Variants in PRPF31 observed in about 807,000 individuals in gnomAD.
PRPF31 encodes the protein U4/U6 small nuclear ribonucleoprotein Prp31.
A neutral mutation model predicts 60.4 loss-of-function variants in PRPF31; 12 were observed. That is an observed-to-expected ratio of 0.20 (90% CI 0.13 to 0.32). The LOEUF (loss-of-function observed/expected upper bound fraction) is 0.32. Among genes scored for constraint, PRPF31 ranks in the 10% least tolerant of loss-of-function variants. The pLI is 1.00. For synonymous variants in PRPF31, 287 were observed against 287.9 expected (o/e 1.00, Z 0.03); for missense variants, 431 against 687.1 (o/e 0.63, Z 4.17).
At position 54,123,928 on chromosome 19, in the gene PRPF31, C is replaced by G. The variant is rs369722854; in HGVS notation, c.697+10C>G. On this transcript the variant is annotated intron_variant, in intron 7 of 13. Transcript: ENST00000321030. ...GCCGCCAAGATCATGGGTGAGTCCC[C>G]GGGCTGGGTCCCATGGAGCGGGGGT... The G allele has an allele frequency of 2.5e-6, 4 of 1,613,026 alleles. No individual in the cohort carries two copies. The East Asian group carries it at 6.7e-5, about 27-fold the overall frequency.
intron 13 of PRPF31, among the ~76,000 whole-genome samples, chr19:54,129,585 A>G (rs1351100118): frequency 2.1e-5 from 3 of 144,374 alleles, no homozygotes; most frequent in Non-Finnish European, 4.5e-5. Context: ...GTGAGCACGC[A>G]CTGCTTTAGA....
At chr19:54,123,095 T>C (rs2073833316) in intron 5 of PRPF31, 6 of 484,978 alleles carry the variant, frequency 1.2e-5, no homozygotes, top group South Asian at 2.1e-5. Context: ...TCCCCACGCA[T>C]GTCCAGGAAA....
chr19:54,126,675 T>C, intron 9 of PRPF31, 58 bp downstream of exon 9: 2 of 1,505,384 alleles, frequency 1.3e-6, no homozygotes, highest in Non-Finnish European at 1.8e-6. Context: ...CTGGGGTGTC[T>C]CTGCAGGGAG....
chr19:54,123,612 C>T lies in PRPF31; in HGVS notation c.527+52C>T, dbSNP rs2073845950. The T allele has an allele frequency of 6.2e-7, 1 of 1,608,540 alleles. No homozygotes were observed. On this transcript the variant is annotated intron_variant, in intron 6 of 13. Coordinates refer to ENST00000321030, the MANE Select transcript of PRPF31 (RefSeq NM_015629.4). Reference sequence around the variant, plus strand: ...GGCCCTAATGGGATTGGGGATTAGGCTGGAGCTACACACGCAGGTGTACAC... The same window carrying T: ...GGCCCTAATGGGATTGGGGATTAGGTTGGAGCTACACACGCAGGTGTACAC...
Position 54,124,581 on chromosome 19 carries a change from G to A in PRPF31, c.780G>A (p.Ser260=), listed in dbSNP as rs587600912. The change falls in exon 8 of 14, where the codon TCG becomes TCA. Residue 260 remains serine (S), a synonymous_variant. Coordinates refer to ENST00000321030, the MANE Select transcript of PRPF31 (RefSeq NM_015629.4). ...TCGGGGCCCAGCGCAAGACGCTGTC[G>A]GGCTTCTCGTCTACCTCAGTGCTGC... The part of the protein sequence containing the change: ...MLLGAQRKTL[S]GFSSTSVLPH... 1.6e-5 allele frequency: 26 copies of A among 1,613,394 alleles called. No homozygotes were observed. Among genetic ancestry groups the A allele is most frequent in the Admixed American group, 1.0e-4 (6 of 60,026 alleles).
Position 54,123,933 on chromosome 19 carries a change from TG to T in PRPF31, c.697+18del. On this transcript the variant is annotated intron_variant, in intron 7 of 13. Transcript: ENST00000321030. ...CAAGATCATGGGTGAGTCCCCGGGC[TG>T]GGTCCCATGGAGCGGGGGTCTGCTG... 1 of 1,613,044 alleles carries T rather than the reference TG, an allele frequency of 6.2e-7. No homozygotes were observed.
chr19:54,116,372 T>A (rs1426755308), intron 1 of PRPF31, among the ~76,000 whole-genome samples: 1 of 150,610 alleles, frequency 6.6e-6, no homozygotes, highest in Non-Finnish European at 1.5e-5. Context: ...GCCCGGCTAG[T>A]TTTTTGTATT....
intron 11 of PRPF31, 139 bp downstream of exon 11, chr19:54,128,516 C>T (rs2073978373): frequency 2.2e-6 from 2 of 916,704 alleles, no homozygotes; most frequent in Non-Finnish European, 1.7e-6. Flanking sequence ...CCCCCCCGGC[C>T]TCTATTCTCG....
rs775682970 is a variant in PRPF31, at chr19:54,122,571, C to T, written c.397C>T (p.Leu133=). 6.2e-7 allele frequency: 1 copy of T among 1,614,158 alleles called. No individual in the cohort carries two copies. The highest frequency in any genetic ancestry group is 8.5e-7 in the Non-Finnish European group (1 of 1,179,954). ...ACTGGAGTCCTTGGTCCCCAATGCACTGGATTACATCCGCACGGTCAAGGT... is the reference window on the plus strand; with the variant it reads ...ACTGGAGTCCTTGGTCCCCAATGCATTGGATTACATCCGCACGGTCAAGGT... ...PELESLVPNA[L]DYIRTVKELG... is the part of the protein sequence containing the mutation. Residue 133 remains leucine, a synonymous_variant, in exon 5 of 14, where the codon CTG becomes TTG. Transcript: ENST00000321030.
intron 11 of PRPF31, 108 bp downstream of exon 11, chr19:54,128,485 A>T: frequency 1.7e-6 from 2 of 1,156,986 alleles, no homozygotes; most frequent in Non-Finnish European, 2.5e-6. Flanking sequence ...GCTCATGTCT[A>T]GGGCGCTGCC....
At chr19:54,127,278 G>C (rs773514668) in intron 9 of PRPF31, among the ~76,000 whole-genome samples, 1 of 152,100 alleles carries the variant, frequency 6.6e-6, no homozygotes, top group Non-Finnish European at 1.5e-5. Context: ...CCAGCTTCTA[G>C]GGGTCACTGG....
Position 54,128,508 on chromosome 19 carries a change from C to CT in PRPF31, c.1146+131_1146+132insT, listed in dbSNP as rs1444274649. 32 of 943,118 alleles carry CT rather than the reference C, an allele frequency of 3.4e-5. 1 individual carries two copies. The highest frequency in any genetic ancestry group is 3.2e-4 in the Middle Eastern group (1 of 3,118). 58.4% of individuals were successfully genotyped at this position (943,118 alleles called of 1,614,324 possible). ...CTAGGGCGCTGCCCCAGCCTCCCCC[C>CT]CCCCGGCCTCTATTCTCGTTTCCAT... On this transcript the variant is annotated intron_variant, in intron 11 of 13. Transcript: ENST00000321030.
At chr19:54,128,453 C>T in intron 11 of PRPF31, 76 bp downstream of exon 11, 1 of 1,409,110 alleles carries the variant, frequency 7.1e-7, no homozygotes, top group South Asian at 1.2e-5. Flanking sequence ...GCCACCGCCC[C>T]TCCTCTCGTC....
chr19:54,126,730 G>A (rs1234200180), intron 9 of PRPF31, 113 bp downstream of exon 9: 1 of 1,107,412 alleles, frequency 9.0e-7, no homozygotes, highest in East Asian at 2.6e-5. Flanking sequence ...TCCTACCAAG[G>A]CGGAGGCAGT....
intron 11 of PRPF31, among the ~76,000 whole-genome samples, chr19:54,128,761 C>T (rs587613747): frequency 6.6e-6 from 1 of 152,276 alleles, no homozygotes; most frequent in East Asian, 1.9e-4. Flanking sequence ...GCCACCTCAT[C>T]CTATTAAACC....
chr19:54,129,515 C>A, intron 13 of PRPF31, 145 bp downstream of exon 13: 1 of 1,027,382 alleles, frequency 9.7e-7, no homozygotes, highest in Non-Finnish European at 1.4e-6. Flanking sequence ...AGGACGTAGA[C>A]AGCTCCTGGC....
chr19:54,131,243 G>A (rs1433371109), intron 13 of PRPF31, 64 bp from the exon 14 acceptor site: 8 of 1,601,800 alleles, frequency 5.0e-6, no homozygotes, highest in Admixed American at 3.3e-5. Context: ...GGGGGGCTCT[G>A]ATGGGTCACA....
intron 1 of PRPF31, 81 bp from the exon 2 acceptor site, chr19:54,118,190 T>G: frequency 6.3e-7 from 1 of 1,599,782 alleles, no homozygotes; most frequent in Non-Finnish European, 8.6e-7. Flanking sequence ...ACCAGGGTCT[T>G]CTGGGGGAGA....
chr19:54,115,900 T>C lies in PRPF31; in HGVS notation c.-9+103T>C, dbSNP rs147359366. ...GGGTCTTTACAGCTTGGTTTTTGTTTTTTTGTTGTTTGTTTGTTTTGAGAC... is the reference window on the plus strand; with the variant it reads ...GGGTCTTTACAGCTTGGTTTTTGTTCTTTTGTTGTTTGTTTGTTTTGAGAC... On this transcript the variant is annotated intron_variant, in intron 1 of 13. Coordinates refer to ENST00000321030, the MANE Select transcript of PRPF31 (RefSeq NM_015629.4). 3.3e-5 allele frequency: 6 copies of C among 181,478 alleles called. No homozygotes were observed. In the East Asian group the frequency reaches 5.6e-4, roughly 17 times the overall value. 11.2% of individuals were successfully genotyped at this position (181,478 alleles called of 1,614,324 possible).
Sources: allele counts gnomAD v4.1 joint callset (sites outside exome capture counted in the v4.1 genomes callset), GRCh38; gene constraint gnomAD v4.1.1; transcripts MANE v1.5; gene names NCBI Gene and HGNC (gene_info 2026-07-23, HGNC 2026-07-21).